IPO11: variants seen among roughly 807,000 people sequenced by gnomAD.
The protein encoded by IPO11 is importin-11.
IPO11 carries 66 observed loss-of-function variants against 143.2 expected under a neutral mutation model. That is an observed-to-expected ratio of 0.46 (90% CI 0.38 to 0.57). IPO11 has a LOEUF of 0.57. Ranked by LOEUF, IPO11 falls within the 20% of genes least tolerant of loss-of-function variation. The probability of loss-of-function intolerance (pLI) is 0.00; values close to 1 mark genes in which losing one functional copy is unlikely to be tolerated. For missense variants in IPO11, 1,026 were observed against 1,141.0 expected (o/e 0.90, Z 1.45); for synonymous variants, 385 against 377.8 (o/e 1.02, Z -0.22).
intron 19 of IPO11, among the ~76,000 whole-genome samples, chr5:62,506,685 G>A (rs1741567415): frequency 6.6e-6 from 1 of 152,124 alleles, no homozygotes; most frequent in Non-Finnish European, 1.5e-5. Flanking sequence ...AGACTTCTGG[G>A]AAAGTCTGTT....
At chr5:62,550,662 A>G (rs529572908) in intron 25 of IPO11, among the ~76,000 whole-genome samples, 200 bp downstream of exon 25, 2 of 152,318 alleles carry the variant, frequency 1.3e-5, no homozygotes, top group African/African-American at 4.8e-5. Flanking sequence ...TGTGTCTTTC[A>G]AACATATGCA....
In IPO11 at chr5:62,588,425, G is replaced by T. The variant is rs1171861787; in HGVS notation, c.2583-3152G>T. On this transcript the variant is annotated intron_variant, in intron 27 of 29. Transcript: ENST00000325324. ...TTTCTTCTTTTTTGTAGAGACAAGG[G>T]TCTCACTTTGTTGCCTAGGCTAGTC... Among the ~76,000 whole-genome samples the T allele has an allele frequency of 2.6e-5, 4 of 152,104 alleles. No individual in the cohort carries two copies. In the East Asian group the frequency reaches 7.7e-4, roughly 29 times the overall value.
At chr5:62,455,490 T>C (rs1406922371) in intron 5 of IPO11, among the ~76,000 whole-genome samples, 2 of 152,090 alleles carry the variant, frequency 1.3e-5, no homozygotes, top group Non-Finnish European at 2.9e-5. Flanking sequence ...GCCACTATAC[T>C]CCAGCCTAGA....
At chr5:62,574,708 G>A (rs937176323) in intron 27 of IPO11, among the ~76,000 whole-genome samples, 5 of 152,146 alleles carry the variant, frequency 3.3e-5, no homozygotes, top group African/African-American at 7.2e-5. Flanking sequence ...TCATATACTC[G>A]CAATGAGGAT....
At chr5:62,500,568 G>A (rs1222364089) in intron 16 of IPO11, among the ~76,000 whole-genome samples, 1 of 152,182 alleles carries the variant, frequency 6.6e-6, no homozygotes, top group African/African-American at 2.4e-5. Context: ...CGTGATCATA[G>A]CTTACTGCAG....
In IPO11 at chr5:62,449,925, A is replaced by T; in HGVS notation, c.240-2A>T. 2 of 1,542,504 alleles carry T rather than the reference A, an allele frequency of 1.3e-6. No individual in the cohort carries two copies. The highest frequency in any genetic ancestry group is 2.0e-5 in the Admixed American group (1 of 48,952). On this transcript the variant is annotated splice_acceptor_variant, in intron 3 of 29. Transcript: ENST00000325324. LOFTEE classifies it high-confidence loss of function. The stretch of plus-strand genomic sequence containing the variant: ...ATAATCAATACTTTTTTTTTTTTAC[A>T]GTGCTCTCTCAGAGGAGGAGAAAAC...
At chr5:62,528,118 T>G (rs1742426046) in intron 21 of IPO11, among the ~76,000 whole-genome samples, 1 of 152,188 alleles carries the variant, frequency 6.6e-6, no homozygotes, top group Non-Finnish European at 1.5e-5. Context: ...AGGGCAGAAT[T>G]CTAATGAACT....
At chr5:62,500,189 G>T (rs979227634) in intron 16 of IPO11, among the ~76,000 whole-genome samples, 4 of 152,186 alleles carry the variant, frequency 2.6e-5, no homozygotes, top group Non-Finnish European at 5.9e-5. Flanking sequence ...GGAGGCTGAG[G>T]TGGGATTGCT....
At chr5:62,451,295 G>T (rs1465894439) in intron 4 of IPO11, among the ~76,000 whole-genome samples, 1 of 151,990 alleles carries the variant, frequency 6.6e-6, no homozygotes, top group African/African-American at 2.4e-5. Context: ...AAAAATATTC[G>T]TGTAAAAAAT....
intron 24 of IPO11, among the ~76,000 whole-genome samples, chr5:62,547,068 T>C (rs1368532732): frequency 2.0e-5 from 3 of 152,170 alleles, no homozygotes; most frequent in African/African-American, 7.2e-5. Context: ...TGAATCTAAC[T>C]GTTACGATGT....
At chr5:62,556,344 AAAAT>A (rs1743575910) in intron 26 of IPO11, among the ~76,000 whole-genome samples, 2 of 152,186 alleles carry the variant, frequency 1.3e-5, no homozygotes, top group East Asian at 3.9e-4. Flanking sequence ...TAAATAAATA[AAAAT>A]AAATAAAATG....
At chr5:62,562,451 G>C (rs1032917757) in intron 27 of IPO11, among the ~76,000 whole-genome samples, 1 of 152,114 alleles carries the variant, frequency 6.6e-6, no homozygotes, top group African/African-American at 2.4e-5. Context: ...AAATCATTAG[G>C]CATTAGATTC....
In IPO11 at chr5:62,590,743, C is replaced by G. The variant is rs377746287; in HGVS notation, c.2583-834C>G. ...AAAGTCTGCACTTTTATAGATTTAC[C>G]TCCTTAATGTATAAAAATTTAAAAA... is the stretch of plus-strand genomic sequence containing the variant. On this transcript the variant is annotated intron_variant, in intron 27 of 29. Coordinates refer to ENST00000325324, the MANE Select transcript of IPO11 (RefSeq NM_016338.5). Among the ~76,000 whole-genome samples the G allele has an allele frequency of 3.9e-5, 6 of 152,050 alleles. No homozygotes were observed. In the East Asian group the frequency reaches 1.2e-3, roughly 29 times the overall value.
chr5:62,546,208 T>A (rs1426161394), intron 24 of IPO11, among the ~76,000 whole-genome samples: 6 of 152,256 alleles, frequency 3.9e-5, no homozygotes, highest in South Asian at 2.1e-4. Context: ...CAAATGTCCA[T>A]CTATGATAGA....
chr5:62,568,816 G>C (rs1744043547), intron 27 of IPO11, among the ~76,000 whole-genome samples: 2 of 152,158 alleles, frequency 1.3e-5, no homozygotes, highest in African/African-American at 4.8e-5. Flanking sequence ...AGGTATGTCA[G>C]TGTCTGAGCT....
intron 20 of IPO11, among the ~76,000 whole-genome samples, chr5:62,521,240 G>A (rs1462734465): frequency 1.3e-5 from 2 of 152,182 alleles, no homozygotes; most frequent in East Asian, 1.9e-4. Context: ...AGCCATGAAT[G>A]GCAGTAGCAT....
chr5:62,484,193 CTTTTCTCCCCTTTCTATAAATATCTGT>C, intron 11 of IPO11, 31 bp downstream of exon 11: 1 of 1,534,800 alleles, frequency 6.5e-7, no homozygotes. Flanking sequence ...GTTAGAATGA[CTTTTCTCCCCTTTCTATAAATATCTGT>C]TTGAGTGATA....
intron 9 of IPO11, among the ~76,000 whole-genome samples, chr5:62,479,330 T>G (rs1038978621): frequency 6.6e-6 from 1 of 152,192 alleles, no homozygotes; most frequent in Non-Finnish European, 1.5e-5. Context: ...CTTAATCCAG[T>G]CTATCGTTGA....
At chr5:62,546,863 A>G (rs909609994) in intron 24 of IPO11, among the ~76,000 whole-genome samples, 2 of 152,182 alleles carry the variant, frequency 1.3e-5, no homozygotes, top group South Asian at 4.1e-4. Context: ...CTGTTTAAAA[A>G]GTAGAAGGCA....
Sources: allele counts gnomAD v4.1 joint callset (sites outside exome capture counted in the v4.1 genomes callset), GRCh38; gene constraint gnomAD v4.1.1; transcripts MANE v1.5; gene names NCBI Gene and HGNC (gene_info 2026-07-23, HGNC 2026-07-21).